The following ZC3H13 variants were observed in gnomAD, a reference collection of about 807,000 sequenced individuals.
ZC3H13 encodes the protein zinc finger CCCH-type containing 13.
ZC3H13 carries 64 observed loss-of-function variants against 204.1 expected under a neutral mutation model. The observed-to-expected ratio is 0.31, with a 90% CI of 0.26 to 0.39. The LOEUF (loss-of-function observed/expected upper bound fraction) is 0.39, where lower values mean the gene tolerates loss of function less well. Among genes scored for constraint, ZC3H13 ranks in the 10% least tolerant of loss-of-function variants. The pLI, the probability that ZC3H13 is intolerant of heterozygous loss-of-function variation, is 1.00. For synonymous variants in ZC3H13, 667 were observed against 693.7 expected (o/e 0.96, Z 0.60); for missense variants, 1,833 against 2,082.7 (o/e 0.88, Z 2.33).
chr13:46,051,650 T>G (rs2044429106), intron 1 of ZC3H13, among the ~76,000 whole-genome samples: 1 of 152,122 alleles, frequency 6.6e-6, no homozygotes, highest in Non-Finnish European at 1.5e-5. Context: ...TTTCCAAATT[T>G]TTAAAACTAC....
intron 5 of ZC3H13, among the ~76,000 whole-genome samples, chr13:46,017,081 A>G (rs1230248826): frequency 6.6e-6 from 1 of 152,140 alleles, no homozygotes; most frequent in Non-Finnish European, 1.5e-5. Context: ...CTAAATTGAG[A>G]GCTCCAGATT....
chr13:45,964,469 T>G (rs969191138), intron 16 of ZC3H13, among the ~76,000 whole-genome samples: 1 of 152,180 alleles, frequency 6.6e-6, no homozygotes, highest in African/African-American at 2.4e-5. Flanking sequence ...GAAATCCCTT[T>G]AAGAGTCAGA....
intron 6 of ZC3H13, among the ~76,000 whole-genome samples, chr13:46,010,847 C>T (rs977406513): frequency 6.6e-6 from 1 of 151,734 alleles, no homozygotes; most frequent in African/African-American, 2.4e-5. Context: ...AGTGCCACTG[C>T]ACTCCAGCCT....
At chr13:46,043,122 C>T (rs2043702782) in intron 3 of ZC3H13, among the ~76,000 whole-genome samples, 2 of 151,740 alleles carry the variant, frequency 1.3e-5, no homozygotes, top group Admixed American at 6.6e-5. Flanking sequence ...TAAAACAGGG[C>T]AAAAGAAGTT....
chr13:45,994,848 G>A (rs897473177), intron 8 of ZC3H13, among the ~76,000 whole-genome samples: 3 of 152,062 alleles, frequency 2.0e-5, no homozygotes, highest in Non-Finnish European at 2.9e-5. Flanking sequence ...TTTGGAAGAG[G>A]AAGGTGCAGA....
chr13:45,956,398 T>C lies in ZC3H13; in HGVS notation c.*729A>G, dbSNP rs1951275958. The C allele has an allele frequency of 6.6e-6, 1 of 152,138 alleles. No homozygotes were observed. Among genetic ancestry groups the C allele is most frequent in the Non-Finnish European group, 1.5e-5 (1 of 68,000 alleles). The allele number at this position is 152,138 out of a possible 1,614,324, so 9.4% of individuals were successfully genotyped here. A position where few individuals can be genotyped will look rare whatever the true frequency, so the allele number is the denominator to read the frequency against. ...CATGTAATGTTGATGACTAATGTTCTAGATCATCAGGAATAAGATTAACGA... is the reference window on the plus strand; with the variant it reads ...CATGTAATGTTGATGACTAATGTTCCAGATCATCAGGAATAAGATTAACGA... On this transcript the variant is annotated 3_prime_UTR_variant, in exon 19 of 19. Transcript: ENST00000679008.
chr13:45,986,219 T>TA (rs1445057562), intron 9 of ZC3H13, among the ~76,000 whole-genome samples: 2 of 152,230 alleles, frequency 1.3e-5, no homozygotes, highest in Admixed American at 6.5e-5. Context: ...GGTTGAGTGA[T>TA]ACTATTATTC....
At chr13:46,014,669 T>A (rs2041805157) in intron 5 of ZC3H13, among the ~76,000 whole-genome samples, 2 of 152,232 alleles carry the variant, frequency 1.3e-5, no homozygotes, top group African/African-American at 4.8e-5. Context: ...GCCTTTATGA[T>A]ACATTCTCAT....
At chr13:46,042,447 A>G (rs1366280721) in intron 3 of ZC3H13, among the ~76,000 whole-genome samples, 172 bp from the exon 4 acceptor site, 1 of 152,116 alleles carries the variant, frequency 6.6e-6, no homozygotes, top group African/African-American at 2.4e-5. Flanking sequence ...TTTCACCTTA[A>G]ATATTAATAT....
intron 8 of ZC3H13, among the ~76,000 whole-genome samples, chr13:46,000,630 C>T (rs2040676894): frequency 6.6e-6 from 1 of 152,250 alleles, no homozygotes; most frequent in African/African-American, 2.4e-5. Flanking sequence ...ATCCAGCCCA[C>T]TCAAACTTTG....
chr13:45,968,043 C>T lies in ZC3H13; in HGVS notation c.3797-15G>A. The T allele has an allele frequency of 1.9e-6, 3 of 1,556,222 alleles. No homozygotes were observed. The highest frequency in any genetic ancestry group is 1.7e-6 in the Non-Finnish European group (2 of 1,157,486). ...ATCCTGGCGATCTAAAATAAATATA[C>T]CATATATAAAGAGTTATTAGCACAT... On this transcript the variant is annotated splice_polypyrimidine_tract_variant and intron_variant, in intron 14 of 18. Coordinates refer to ENST00000679008, the MANE Select transcript of ZC3H13 (RefSeq NM_001330564.2).
At chr13:45,983,552 G>A (rs988813067) in intron 10 of ZC3H13, among the ~76,000 whole-genome samples, 5 of 141,170 alleles carry the variant, frequency 3.5e-5, no homozygotes, top group South Asian at 2.3e-4. Context: ...TCAGCCTCCC[G>A]AGTAGCTGGG....
intron 1 of ZC3H13, among the ~76,000 whole-genome samples, chr13:46,046,879 G>A (rs2044006864): frequency 6.6e-6 from 1 of 152,112 alleles, no homozygotes; most frequent in Admixed American, 6.5e-5. Context: ...ACTGTGGGAA[G>A]AGGGTAGAAA....
chr13:46,018,572 A>AACC (rs2042049525), intron 5 of ZC3H13, among the ~76,000 whole-genome samples: 1 of 152,184 alleles, frequency 6.6e-6, no homozygotes, highest in Non-Finnish European at 1.5e-5. Flanking sequence ...GAAGTAAAAA[A>AACC]GTTTAGGCAC....
chr13:46,013,596 G>T (rs2041720424), intron 5 of ZC3H13, among the ~76,000 whole-genome samples: 1 of 152,032 alleles, frequency 6.6e-6, no homozygotes, highest in African/African-American at 2.4e-5. Context: ...CATTGCAACT[G>T]ACAGTATTTT....
chr13:45,979,925 A>G lies in ZC3H13; in HGVS notation c.1800T>C (p.Ser600=), dbSNP rs1328884050. 2 of 1,612,572 alleles carry G rather than the reference A, an allele frequency of 1.2e-6. No individual in the cohort carries two copies. The highest frequency in any genetic ancestry group is 1.7e-6 in the Non-Finnish European group (2 of 1,179,262). ...SNYHDSWETR[S]SYPERDRYPE... is the part of the protein sequence containing the mutation. ...GATATCTATCTCTTTCAGGATAGCT[A>G]CTTCGAGTTTCCCAGCTGTCATGAT... Residue 600 remains serine (S), a synonymous_variant, in exon 11 of 19, where the codon AGT becomes AGC. Transcript: ENST00000679008.
At chr13:45,957,324 T>G in intron 18 of ZC3H13, 27 bp from the exon 19 acceptor site, 1 of 1,456,140 alleles carries the variant, frequency 6.9e-7, no homozygotes, top group Non-Finnish European at 9.2e-7. Flanking sequence ...AAAACAAACT[T>G]TAAAAAAGAT....
At chr13:45,987,212 A>G (rs1420697855) in intron 9 of ZC3H13, among the ~76,000 whole-genome samples, 1 of 152,180 alleles carries the variant, frequency 6.6e-6, no homozygotes, top group Non-Finnish European at 1.5e-5. Context: ...GAGAGGAACA[A>G]TTGCCTGCTA....
chr13:45,969,442 G>A lies in ZC3H13; in HGVS notation c.3102C>T (p.Pro1034=), dbSNP rs200654557. 3.5e-5 allele frequency: 57 copies of A among 1,613,816 alleles called. No individual in the cohort carries two copies. Among genetic ancestry groups the A allele is most frequent in the Admixed American group, 1.7e-5 (1 of 59,970 alleles). Residue 1034 remains proline, a synonymous_variant, in exon 14 of 19, where the codon CCC becomes CCT. Coordinates refer to ENST00000679008, the MANE Select transcript of ZC3H13 (RefSeq NM_001330564.2). The part of the protein sequence containing the change: ...QSKKKRGPRT[P]PITTKEELVE... ...CCAATTCCTCTTTAGTTGTTATAGG[G>A]GGAGTCCGTGGGCCTCTTTTCTTCT...
Sources: gnomAD v4.1 joint callset for allele counts (sites outside exome capture counted in the v4.1 genomes callset) on GRCh38, gnomAD v4.1.1 for gene constraint, MANE v1.5 for transcripts, NCBI Gene and HGNC (gene_info 2026-07-23, HGNC 2026-07-21) for gene names.